The following NUP107 variants were observed in gnomAD, a reference collection of about 807,000 sequenced individuals.
NUP107 encodes nucleoporin 107, also known as nuclear pore complex protein Nup107.
Under a neutral mutation model 141.0 loss-of-function variants are expected in NUP107, and 101 were observed. That is an observed-to-expected ratio of 0.72 (90% confidence interval 0.61 to 0.84). NUP107 has a LOEUF of 0.84. Ranked by LOEUF, NUP107 falls within the 40% of genes least tolerant of loss-of-function variation. The pLI, the probability that NUP107 is intolerant of heterozygous loss-of-function variation, is 0.00. For missense variants in NUP107, 941 were observed against 1,102.7 expected (o/e 0.85, Z 2.08); for synonymous variants, 319 against 363.9 (o/e 0.88, Z 1.41).
rs761599438 is a variant in NUP107 at position 68,732,725 on chromosome 12, T to C, written c.2087T>C (p.Met696Thr). ...AEALKQGNAI[M>T]RKFLASKKHE... ...GCACTGAAACAAGGCAATGCAATTATGAGAAAATTCTTGGGTATAGTATAT... is the reference window on the plus strand; with the variant it reads ...GCACTGAAACAAGGCAATGCAATTACGAGAAAATTCTTGGGTATAGTATAT... The change falls in exon 23 of 28, where the codon ATG becomes ACG. Residue 696 changes from methionine (M) to threonine (T), a missense_variant. Coordinates refer to ENST00000229179, the MANE Select transcript of NUP107 (RefSeq NM_020401.4). 1.4e-5 allele frequency: 22 copies of C among 1,601,252 alleles called. No homozygotes were observed. The South Asian group carries it at 2.3e-4, about 17-fold the overall frequency.
intron 7 of NUP107, among the ~76,000 whole-genome samples, chr12:68,701,205 C>CA (rs1173507911): frequency 6.6e-6 from 1 of 152,168 alleles, no homozygotes; most frequent in Non-Finnish European, 1.5e-5. Context: ...ATACCATGTA[C>CA]ATATCCTTGA....
chr12:68,737,370 GC>G (rs1233221249), intron 26 of NUP107, among the ~76,000 whole-genome samples: 1 of 151,876 alleles, frequency 6.6e-6, no homozygotes, highest in Non-Finnish European at 1.5e-5. Flanking sequence ...CTTGAGACCA[GC>G]CTGGACAACA....
chr12:68,689,010 G>A lies in NUP107; in HGVS notation c.57G>A (p.Val19=). The A allele has an allele frequency of 6.2e-7, 1 of 1,613,810 alleles. No homozygotes were observed. Among genetic ancestry groups the A allele is most frequent in the Non-Finnish European group, 8.5e-7 (1 of 1,179,818 alleles). ...ISSPVIREAE[V]TRTARKQSAQ... is the part of the protein sequence containing the mutation. ...CCCCTGTAATCCGGGAGGCAGAGGT[G>A]ACACGGACTGCACGGAAACAGAGTG... Residue 19 remains valine, a synonymous_variant, in exon 2 of 28, where the codon GTG becomes GTA. Coordinates refer to ENST00000229179, the MANE Select transcript of NUP107 (RefSeq NM_020401.4).
intron 17 of NUP107, among the ~76,000 whole-genome samples, chr12:68,724,850 C>T (rs535497647): frequency 6.6e-6 from 1 of 152,088 alleles, no homozygotes; most frequent in African/African-American, 2.4e-5. Context: ...ACTTGCCTTA[C>T]TCAATAATAA....
In NUP107 at chr12:68,742,456, G is replaced by T; in HGVS notation, c.2772G>T (p.Gln924His). 1 of 1,533,984 alleles carries T rather than the reference G, an allele frequency of 6.5e-7. No individual in the cohort carries two copies. Among genetic ancestry groups the T allele is most frequent in the Non-Finnish European group, 8.9e-7 (1 of 1,120,892 alleles). ...QGLDPLGYEI[Q>H]L Reference sequence around the variant, plus strand: ...TTGACCCATTAGGGTATGAAATTCAGTTATAGTTTAATCTTTGTAATCTCA... The same window carrying T: ...TTGACCCATTAGGGTATGAAATTCATTTATAGTTTAATCTTTGTAATCTCA... Residue 924 changes from glutamine (Q) to histidine (H), a missense_variant, in exon 28 of 28, where the codon CAG becomes CAT. Gln to His is a conservative substitution (Grantham distance 24). Coordinates refer to ENST00000229179, the MANE Select transcript of NUP107 (RefSeq NM_020401.4).
intron 1 of NUP107, chr12:68,687,595 A>G (rs1344635103): frequency 1.0e-6 from 1 of 986,282 alleles, no homozygotes; most frequent in African/African-American, 1.7e-5. Context: ...TAAAGTGGTA[A>G]GTGTTTGGGG....
At chr12:68,725,555 G>A (rs1877523583) in intron 17 of NUP107, among the ~76,000 whole-genome samples, 172 bp from the exon 18 acceptor site, 1 of 152,120 alleles carries the variant, frequency 6.6e-6, no homozygotes, top group African/African-American at 2.4e-5. Flanking sequence ...ATATTCCAAA[G>A]GCAGTATCCT....
At chr12:68,737,653 G>T (rs1412772371) in intron 26 of NUP107, among the ~76,000 whole-genome samples, 1 of 148,218 alleles carries the variant, frequency 6.7e-6, no homozygotes, top group African/African-American at 2.4e-5. Flanking sequence ...TCAATATTCA[G>T]TCTCAATTAT....
At chr12:68,689,391 C>T (rs549569242) in intron 2 of NUP107, 142 bp from the exon 3 acceptor site, 2 of 584,690 alleles carry the variant, frequency 3.4e-6, no homozygotes, top group African/African-American at 3.8e-5. Flanking sequence ...GAATTATTTA[C>T]CCTTTGCATT....
intron 6 of NUP107, among the ~76,000 whole-genome samples, chr12:68,699,465 A>G (rs2701093): frequency 0.31 from 46,597 of 152,150 alleles, 7,216 homozygotes; most frequent in Middle Eastern, 0.34. Flanking sequence ...GTAATAATTG[A>G]AATAATAGTA....
intron 18 of NUP107, 38 bp downstream of exon 18, chr12:68,725,834 T>TTTG: frequency 5.3e-6 from 5 of 938,186 alleles, no homozygotes; most frequent in Middle Eastern, 2.5e-4. Flanking sequence ...GTTTTTTGTG[T>TTTG]GTGTTTTTTT....
intron 8 of NUP107, among the ~76,000 whole-genome samples, chr12:68,708,087 G>A (rs1401316724): frequency 6.6e-6 from 1 of 151,928 alleles, no homozygotes; most frequent in Non-Finnish European, 1.5e-5. Flanking sequence ...GTAAGACTCT[G>A]TCTCAAAAAA....
At chr12:68,689,133 A>G (rs932697144) in intron 2 of NUP107, 80 bp downstream of exon 2, 4 of 1,071,288 alleles carry the variant, frequency 3.7e-6, no homozygotes, top group Non-Finnish European at 5.5e-6. Flanking sequence ...TTTTTATAAG[A>G]GTATTAAATG....
chr12:68,707,132 C>G (rs1876622626), intron 8 of NUP107: 1 of 558,500 alleles, frequency 1.8e-6, no homozygotes, highest in Non-Finnish European at 3.2e-6. Flanking sequence ...AGGCTGCTGT[C>G]CAGAGGAGCA....
At chr12:68,715,178 C>A (rs1441647371) in intron 11 of NUP107, among the ~76,000 whole-genome samples, 1 of 152,120 alleles carries the variant, frequency 6.6e-6, no homozygotes, top group Non-Finnish European at 1.5e-5. Context: ...AGCTTCATTC[C>A]CTTTGTTACT....
At chr12:68,725,838 T>TTTC (rs1555178664) in intron 18 of NUP107, 42 bp downstream of exon 18, 1 of 402,010 alleles carries the variant, frequency 2.5e-6, no homozygotes, top group Admixed American at 8.2e-5. Context: ...TTTGTGTGTG[T>TTTC]TTTTTTTTTT....
chr12:68,733,380 G>A, intron 23 of NUP107, 72 bp from the exon 24 acceptor site: 1 of 1,427,206 alleles, frequency 7.0e-7, no homozygotes, highest in Non-Finnish European at 9.5e-7. Context: ...TGGTAAACCA[G>A]TGATTTGACT....
rs756700880 is a variant in NUP107 at position 68,730,214 on chromosome 12, C to CTTTTTT, written c.1735-880_1735-875dup. Among the ~76,000 whole-genome samples the CTTTTTT allele has an allele frequency of 2.7e-4, 23 of 85,382 alleles. 5 individuals carry two copies. The highest frequency in any genetic ancestry group is 6.9e-4 in the East Asian group (2 of 2,880). The allele number at this position is 85,382 out of a possible 152,430, so 56.0% of individuals were successfully genotyped here. A position where few individuals can be genotyped will look rare whatever the true frequency, so the allele number is the denominator to read the frequency against. ...CTCCTGCCCTCAGGGGTGATACTAC[C>CTTTTTT]TTTTTTTTTTTTTTTTTTTTTGAGA... On this transcript the variant is annotated intron_variant, in intron 20 of 27. Transcript: ENST00000229179.
chr12:68,687,239 C>A (rs905197750), intron 1 of NUP107, 166 bp downstream of exon 1: 3 of 991,222 alleles, frequency 3.0e-6, no homozygotes, highest in African/African-American at 1.6e-5. Context: ...GGGGAAAAAG[C>A]CGCTTGGCGT....
Sources: allele counts gnomAD v4.1 joint callset (sites outside exome capture counted in the v4.1 genomes callset), GRCh38; gene constraint gnomAD v4.1.1; transcripts MANE v1.5; gene names NCBI Gene and HGNC (gene_info 2026-07-23, HGNC 2026-07-21).